Variants in BLTP3A observed in about 807,000 individuals in gnomAD.
BLTP3A encodes ICBP90 binding protein 1.
chr6:34,834,514 T>C, the BLTP3A span: 1 of 1,476,214 alleles, frequency 6.8e-7, no homozygotes, highest in South Asian at 1.3e-5. Context: ...ATGTTCCCCA[T>C]TCCTGGGAAC....
At chr6:34,855,985 A>G in the BLTP3A span, 1 of 938,350 alleles carries the variant, frequency 1.1e-6, no homozygotes, top group Non-Finnish European at 1.3e-6. Flanking sequence ...CACTAGTGTT[A>G]GAGCCTCTCC....
chr6:34,824,258 C>T, the BLTP3A span, among the ~76,000 whole-genome samples: 16 of 151,992 alleles, frequency 1.1e-4, no homozygotes, highest in African/African-American at 1.5e-4. Context: ...ACAGGCCAGG[C>T]GCGGTGGCTC....
chr6:34,854,202 A>G, the BLTP3A span, among the ~76,000 whole-genome samples: 1 of 152,322 alleles, frequency 6.6e-6, no homozygotes, highest in Non-Finnish European at 1.5e-5. Flanking sequence ...AGCCTGGGCA[A>G]TAGAGTGAGA....
At chr6:34,835,828 A>C in the BLTP3A span, among the ~76,000 whole-genome samples, 1 of 152,198 alleles carries the variant, frequency 6.6e-6, no homozygotes, top group African/African-American at 2.4e-5. Flanking sequence ...ATCTCACTAC[A>C]TAGGCTGAAA....
At chr6:34,834,343 C>T in the BLTP3A span, 2 of 1,614,026 alleles carry the variant, frequency 1.2e-6, no homozygotes, top group Non-Finnish European at 1.7e-6. Flanking sequence ...GCTATAGTGT[C>T]AACCCCAACT....
chr6:34,818,435 C>T, the BLTP3A span, among the ~76,000 whole-genome samples: 5 of 151,638 alleles, frequency 3.3e-5, no homozygotes, highest in Non-Finnish European at 7.4e-5. Context: ...TACCACTGCA[C>T]TCCAGCCTGG....
chr6:34,830,377 A>G, the BLTP3A span, among the ~76,000 whole-genome samples: 1 of 151,792 alleles, frequency 6.6e-6, no homozygotes, highest in Non-Finnish European at 1.5e-5. Context: ...TCACGAGGTC[A>G]GGAGTTCGAG....
At chr6:34,792,287 C>T in the BLTP3A span, 3 of 1,544,188 alleles carry the variant, frequency 1.9e-6, no homozygotes, top group Non-Finnish European at 1.7e-6. Flanking sequence ...CCTGAAACAC[C>T]TGTCCCGGTG....
At chr6:34,834,420 CATT>C in the BLTP3A span, 3 of 1,611,904 alleles carry the variant, frequency 1.9e-6, no homozygotes, top group Non-Finnish European at 2.5e-6. Context: ...ACAGCCCCAT[CATT>C]GTGAAGGGAG....
the BLTP3A span, among the ~76,000 whole-genome samples, chr6:34,865,370 G>A: frequency 2.6e-5 from 4 of 152,160 alleles, no homozygotes; most frequent in African/African-American, 9.7e-5. Flanking sequence ...ACAAATGACA[G>A]GATTTCCCTC....
the BLTP3A span, among the ~76,000 whole-genome samples, chr6:34,849,323 A>G: frequency 6.6e-6 from 1 of 151,432 alleles, no homozygotes; most frequent in Non-Finnish European, 1.5e-5. Context: ...GTGCCCAGCC[A>G]GTTTTTTTTT....
At chr6:34,811,229 C>T in the BLTP3A span, among the ~76,000 whole-genome samples, 2 of 152,010 alleles carry the variant, frequency 1.3e-5, no homozygotes, top group South Asian at 2.1e-4. Flanking sequence ...CACTGTAATC[C>T]CAATCAGTTT....
the BLTP3A span, among the ~76,000 whole-genome samples, chr6:34,866,436 C>T: frequency 4.3e-4 from 65 of 152,048 alleles, no homozygotes; most frequent in Admixed American, 4.1e-3. Flanking sequence ...AACTCGTGGC[C>T]ATTTTTGTTT....
the BLTP3A span, chr6:34,871,657 T>C: frequency 1.9e-6 from 3 of 1,614,198 alleles, no homozygotes; most frequent in East Asian, 4.5e-5. Context: ...CATGTTGTGC[T>C]GAAGAGGAGT....
chr6:34,857,081 TG>T, the BLTP3A span: 1 of 1,177,628 alleles, frequency 8.5e-7, no homozygotes. Flanking sequence ...TGAGCATGGC[TG>T]GTGAGATCAG....
the BLTP3A span, among the ~76,000 whole-genome samples, chr6:34,798,594 C>CTTTCTTTTTTTTTTTTTTTTTTTT: frequency 7.4e-5 from 7 of 94,500 alleles, no homozygotes; most frequent in Non-Finnish European, 1.2e-4. Context: ...TTCTTTCTTT[C>CTTTCTTTTTTTTTTTTTTTTTTTT]TTTTTTTTTT....
At chr6:34,821,072 T>G in the BLTP3A span, among the ~76,000 whole-genome samples, 2 of 151,958 alleles carry the variant, frequency 1.3e-5, no homozygotes, top group Non-Finnish European at 2.9e-5. Context: ...TTCTCCTGCC[T>G]CAGCCTCTGG....
chr6:34,858,838 G>C, the BLTP3A span: 168 of 1,614,040 alleles, frequency 1.0e-4, no homozygotes, highest in Non-Finnish European at 1.3e-4. Flanking sequence ...CCATGTCCGC[G>C]TGAGGCTTGA....
At chr6:34,811,338 A>C in the BLTP3A span, among the ~76,000 whole-genome samples, 9 of 152,320 alleles carry the variant, frequency 5.9e-5, no homozygotes, top group South Asian at 2.1e-4. Context: ...GAACAAATGA[A>C]CACAAAGGAT....
Sources: allele counts gnomAD v4.1 joint callset (sites outside exome capture counted in the v4.1 genomes callset), GRCh38; gene constraint gnomAD v4.1.1; transcripts MANE v1.5; gene names NCBI Gene and HGNC (gene_info 2026-07-23, HGNC 2026-07-21).